Variants in SGCD observed in about 807,000 individuals in gnomAD.
The protein encoded by SGCD is sarcoglycan delta.
In SGCD, 18 loss-of-function variants were observed where a neutral mutation model predicts 36.6. The observed-to-expected ratio is 0.49, with a 90% CI of 0.34 to 0.73. SGCD has a LOEUF of 0.73. SGCD is among the 30% of genes least tolerant of loss of function. The probability of loss-of-function intolerance (pLI) is 0.01; values close to 1 mark genes in which losing one functional copy is unlikely to be tolerated. For missense variants in SGCD, 387 were observed against 346.7 expected, an observed-to-expected ratio of 1.12 and a Z score of -0.92; for synonymous variants, 133 against 130.6, an observed-to-expected ratio of 1.02 and a Z score of -0.12.
intron 3 of SGCD, among the ~76,000 whole-genome samples, chr5:156,446,670 C>T (rs1753767670): frequency 6.6e-6 from 1 of 152,140 alleles, no homozygotes; most frequent in South Asian, 2.1e-4. Flanking sequence ...CCTTCCCTGG[C>T]CGAAGGAGCT....
chr5:156,592,583 TCTC>T (rs1394242580), intron 5 of SGCD, among the ~76,000 whole-genome samples: 1 of 152,072 alleles, frequency 6.6e-6, no homozygotes, highest in Non-Finnish European at 1.5e-5. Flanking sequence ...CCAGCTCCCT[TCTC>T]CTTCCTAGAC....
At chr5:156,538,396 AT>A (rs994419912) in intron 4 of SGCD, among the ~76,000 whole-genome samples, 6 of 151,678 alleles carry the variant, frequency 4.0e-5, no homozygotes, top group African/African-American at 1.5e-4. Flanking sequence ...GTCAAGAATG[AT>A]TTTTTTTCTC....
intron 3 of SGCD, among the ~76,000 whole-genome samples, chr5:156,280,858 G>A (rs959338742): frequency 4.6e-5 from 7 of 152,112 alleles, no homozygotes; most frequent in Non-Finnish European, 7.4e-5. Context: ...TTTTTAGAGT[G>A]AATTAGTTTT....
intron 3 of SGCD, among the ~76,000 whole-genome samples, chr5:156,187,034 T>C (rs896976469): frequency 1.3e-4 from 20 of 152,142 alleles, no homozygotes; most frequent in African/African-American, 4.3e-4. Context: ...GCAATGAACA[T>C]AGAAGGGCAT....
At chr5:156,703,671 G>C (rs1754619301) in intron 7 of SGCD, among the ~76,000 whole-genome samples, 1 of 152,180 alleles carries the variant, frequency 6.6e-6, no homozygotes, top group East Asian at 1.9e-4. Context: ...GCCAGGTAGT[G>C]TGTTGAACCT....
chr5:156,498,935 C>CCTGTGT (rs149269957), intron 3 of SGCD, among the ~76,000 whole-genome samples: 4,751 of 149,410 alleles, frequency 0.032, 207 homozygotes, highest in African/African-American at 0.097. Flanking sequence ...ATGTGTGCTA[C>CCTGTGT]GTGTGTGTGT....
intron 6 of SGCD, among the ~76,000 whole-genome samples, chr5:156,618,714 G>A (rs1304756402): frequency 1.3e-5 from 2 of 151,810 alleles, no homozygotes; most frequent in African/African-American, 2.4e-5. Context: ...TTTTCCCCTC[G>A]CAAGCTTGAG....
At chr5:156,283,556 C>T (rs1242005259) in intron 3 of SGCD, among the ~76,000 whole-genome samples, 1 of 152,154 alleles carries the variant, frequency 6.6e-6, no homozygotes, top group East Asian at 1.9e-4. Flanking sequence ...AATATTGTGA[C>T]ATTCTTTATC....
chr5:156,412,829 C>T (rs1461704081), intron 3 of SGCD, among the ~76,000 whole-genome samples: 3 of 146,060 alleles, frequency 2.1e-5, no homozygotes, highest in East Asian at 2.0e-4. Context: ...CGCTCTGTCG[C>T]CCAGGCCGGA....
At chr5:155,978,887 AGT>A (rs1758174042) in intron 1 of SGCD, among the ~76,000 whole-genome samples, 1 of 152,110 alleles carries the variant, frequency 6.6e-6, no homozygotes, top group Non-Finnish European at 1.5e-5. Context: ...CTACAAATAC[AGT>A]GTATTTATAG....
intron 1 of SGCD, among the ~76,000 whole-genome samples, chr5:155,936,695 TTAGGCCCTGTCCAGCTTG>T (rs576244104): frequency 1.1e-3 from 167 of 152,330 alleles, no homozygotes; most frequent in African/African-American, 3.2e-3. Context: ...CCCCCAGGTT[TTAGGCCCTGTCCAGCTTG>T]AAGGTGGGGC....
chr5:155,858,503 A>C, the SGCD span, among the ~76,000 whole-genome samples: 1 of 152,210 alleles, frequency 6.6e-6, no homozygotes, highest in Non-Finnish European at 1.5e-5. Context: ...ATTCACATCA[A>C]ATTCAAGGAT....
chr5:156,349,569 G>T (rs1386960533), intron 3 of SGCD, among the ~76,000 whole-genome samples: 3 of 151,974 alleles, frequency 2.0e-5, no homozygotes, highest in Non-Finnish European at 4.4e-5. Context: ...AAGCAGAATG[G>T]CTATTAATAA....
intron 3 of SGCD, among the ~76,000 whole-genome samples, chr5:156,156,830 G>T (rs1208334242): frequency 6.6e-6 from 1 of 151,448 alleles, no homozygotes; most frequent in Non-Finnish European, 1.5e-5. Context: ...TTCTAGTGTA[G>T]GCATTCTTAG....
chr5:156,190,058 C>A (rs1432428262), intron 3 of SGCD, among the ~76,000 whole-genome samples: 2 of 152,072 alleles, frequency 1.3e-5, no homozygotes, highest in Admixed American at 6.6e-5. Context: ...TACATATGGG[C>A]ATTTCATTGC....
At chr5:156,757,364 G>A (rs553749513) in intron 7 of SGCD, among the ~76,000 whole-genome samples, 29 of 140,434 alleles carry the variant, frequency 2.1e-4, no homozygotes, top group Admixed American at 1.2e-3. Flanking sequence ...CAGGATCCTA[G>A]AACACTTTCC....
At chr5:156,739,823 G>A (rs373361495) in intron 7 of SGCD, 1 of 152,142 alleles carries the variant, frequency 6.6e-6, no homozygotes, top group South Asian at 2.1e-4. Context: ...TGGCCACAAT[G>A]TTTGTTTAAC....
chr5:156,661,820 A>G (rs1763942489), intron 7 of SGCD, among the ~76,000 whole-genome samples: 1 of 152,176 alleles, frequency 6.6e-6, no homozygotes, highest in South Asian at 2.1e-4. Context: ...TGTCTGGGTC[A>G]TTTCCACATA....
chr5:156,543,574 C>T (rs542617758), intron 4 of SGCD, among the ~76,000 whole-genome samples: 4 of 152,284 alleles, frequency 2.6e-5, no homozygotes, highest in East Asian at 1.9e-4. Flanking sequence ...TAAGCCACAG[C>T]GTCTGCTCTG....
Sources: allele counts gnomAD v4.1 joint callset (sites outside exome capture counted in the v4.1 genomes callset), GRCh38; gene constraint gnomAD v4.1.1; transcripts MANE v1.5; gene names NCBI Gene and HGNC (gene_info 2026-07-23, HGNC 2026-07-21).